The following YWHAZ variants were observed in gnomAD, a reference collection of about 807,000 sequenced individuals.
The protein encoded by YWHAZ is tyrosine 3-monooxygenase/tryptophan 5-monooxygenase activation protein zeta.
For missense variants in YWHAZ, 79 were observed against 284.8 expected, an observed-to-expected ratio of 0.28 and a Z score of 5.20; for synonymous variants, 87 against 103.6, an observed-to-expected ratio of 0.84 and a Z score of 0.97.
intron 1 of YWHAZ, chr8:100,951,686 G>A: frequency 4.1e-6 from 4 of 985,392 alleles, no homozygotes; most frequent in Non-Finnish European, 4.8e-6. Flanking sequence ...ACGGGGGAGC[G>A]AGCACCGATC....
intron 5 of YWHAZ, 178 bp downstream of exon 5, chr8:100,923,775 TCA>T: frequency 2.1e-6 from 1 of 481,424 alleles, no homozygotes; most frequent in Non-Finnish European, 3.6e-6. Flanking sequence ...GTCTAATATT[TCA>T]GTTTCTGTAA....
chr8:100,947,373 T>TA (rs1231478852), intron 2 of YWHAZ, among the ~76,000 whole-genome samples: 2 of 152,078 alleles, frequency 1.3e-5, no homozygotes, highest in African/African-American at 4.8e-5. Context: ...TCAACTTAGA[T>TA]ACAAATAGTA....
At chr8:100,944,663 T>C (rs374677258) in intron 2 of YWHAZ, among the ~76,000 whole-genome samples, 1 of 152,218 alleles carries the variant, frequency 6.6e-6, no homozygotes, top group Non-Finnish European at 1.5e-5. Context: ...ATTCCATTCA[T>C]GGACTGTAAG....
intron 2 of YWHAZ, among the ~76,000 whole-genome samples, chr8:100,945,776 C>T (rs1319873424): frequency 1.3e-5 from 2 of 151,990 alleles, no homozygotes; most frequent in Admixed American, 6.6e-5. Flanking sequence ...AGCCTATTAT[C>T]GGTAAATATC....
At chr8:100,941,734 G>A (rs555880361) in intron 2 of YWHAZ, among the ~76,000 whole-genome samples, 8 of 151,428 alleles carry the variant, frequency 5.3e-5, no homozygotes, top group Admixed American at 3.3e-4. Context: ...GCAGTGAGGC[G>A]AGATTGTGCC....
At chr8:100,952,220 C>T (rs977982471), upstream of YWHAZ, 32 of 933,842 alleles carry the variant, frequency 3.4e-5, no homozygotes, top group African/African-American at 1.1e-4. Flanking sequence ...CGCTGGAGGG[C>T]GAGCGGAGGC....
chr8:100,948,933 T>C lies in YWHAZ; in HGVS notation c.-11-33A>G. On this transcript the variant is annotated intron_variant, in intron 1 of 5. Coordinates refer to ENST00000395958, the MANE Select transcript of YWHAZ (RefSeq NM_145690.3). This position sits in a 1 kb window ranked among gnomAD's most constrained non-coding sequence, Gnocchi z 4.2. The stretch of plus-strand genomic sequence containing the variant: ...GGGGAAAAAAGGAGTATTTAAAATT[T>C]TTCCCATCAAAATAAACAGACTCAA... 4 of 1,539,776 alleles carry C rather than the reference T, an allele frequency of 2.6e-6. No homozygotes were observed. Among genetic ancestry groups the C allele is most frequent in the Non-Finnish European group, 3.5e-6 (4 of 1,154,242 alleles).
chr8:100,947,295 T>C (rs992343346), intron 2 of YWHAZ, among the ~76,000 whole-genome samples: 3 of 151,918 alleles, frequency 2.0e-5, no homozygotes, highest in Admixed American at 2.0e-4. Context: ...AATATTCTTA[T>C]TACCTTAGCA....
Position 100,918,408 on chromosome 8 carries a change from T to TATATATATA in YWHAZ, c.*2284_*2285insTATATATAT, listed in dbSNP as rs1554611374. On this transcript the variant is annotated 3_prime_UTR_variant, in exon 6 of 6. Transcript: ENST00000395958. ...AGTCTAGCTATAAAATATAATTACT[T>TATATATATA]TATATATATATATATATATATATAT... is the stretch of plus-strand genomic sequence containing the variant. 12 of 41,886 alleles carry TATATATATA rather than the reference T, an allele frequency of 2.9e-4. No individual in the cohort carries two copies. The highest frequency in any genetic ancestry group is 3.9e-4 in the Admixed American group (1 of 2,582). 2.6% of individuals were successfully genotyped at this position (41,886 alleles called of 1,614,324 possible).
intron 5 of YWHAZ, 159 bp downstream of exon 5, chr8:100,923,796 C>T (rs1813187149): frequency 1.9e-6 from 1 of 515,702 alleles, no homozygotes; most frequent in Admixed American, 3.7e-5. Flanking sequence ...AATTTTCCTT[C>T]ATAGGACTTT....
rs4734497 is a variant in YWHAZ, at chr8:100,922,743, T to A, written c.678+1212A>T. ...ATGCTATACTGATAGCAAAATTCAG[T>A]TGGAAGCAGACAGTAGATCAGGGCC... On this transcript the variant is annotated intron_variant, in intron 5 of 5. Transcript: ENST00000395958. This position sits in a 1 kb window ranked among gnomAD's most constrained non-coding sequence, Gnocchi z 4.1. The A allele has an allele frequency of 6.6e-6, 1 of 152,046 alleles. No homozygotes were observed. Among genetic ancestry groups the A allele is most frequent in the Non-Finnish European group, 1.5e-5 (1 of 68,030 alleles). The allele number at this position is 152,046 out of a possible 1,614,324, so 9.4% of individuals were successfully genotyped here. A position where few individuals can be genotyped will look rare whatever the true frequency, so the allele number is the denominator to read the frequency against.
At chr8:100,951,472 C>A in intron 1 of YWHAZ, 1 of 980,106 alleles carries the variant, frequency 1.0e-6, no homozygotes. Context: ...CACTGCGATG[C>A]CCGCCGCCGC....
At chr8:100,952,733 A>G (rs1680573448), upstream of YWHAZ, 6 of 959,940 alleles carry the variant, frequency 6.3e-6, no homozygotes, top group South Asian at 2.9e-4. Flanking sequence ...GTCGCACGGC[A>G]AGGGAGGGTT....
chr8:100,941,890 G>C (rs1809893301), intron 2 of YWHAZ, among the ~76,000 whole-genome samples: 1 of 151,216 alleles, frequency 6.6e-6, no homozygotes, highest in African/African-American at 2.4e-5. Context: ...AAATTGGGCA[G>C]TCCCTGCAAA....
rs1428257897 is a variant in YWHAZ, at chr8:100,920,553, T to C, written c.*140A>G. 2.6e-5 allele frequency: 21 copies of C among 805,942 alleles called. No homozygotes were observed. Among genetic ancestry groups the C allele is most frequent in the South Asian group, 1.7e-5 (1 of 59,606 alleles). The allele number at this position is 805,942 out of a possible 1,614,324, so 49.9% of individuals were successfully genotyped here. On this transcript the variant is annotated 3_prime_UTR_variant, in exon 6 of 6. Coordinates refer to ENST00000395958, the MANE Select transcript of YWHAZ (RefSeq NM_145690.3). ...CCTAATATTAAACATAAAAACCACA[T>C]GGGAAATATAGAAATTCAAATAGAA...
intron 1 of YWHAZ, among the ~76,000 whole-genome samples, chr8:100,949,844 T>C (rs1376531141): frequency 6.6e-6 from 1 of 152,200 alleles, no homozygotes; most frequent in Non-Finnish European, 1.5e-5. Context: ...CCTTTTCGAT[T>C]TACCTCAGCT....
rs1197408743 is a variant in YWHAZ, at chr8:100,918,083, CTG to C, written c.*2608_*2609del. 1.3e-5 allele frequency: 2 copies of C among 151,964 alleles called. No individual in the cohort carries two copies. The highest frequency in any genetic ancestry group is 2.9e-5 in the Non-Finnish European group (2 of 68,018). The allele number at this position is 151,964 out of a possible 1,614,324, so 9.4% of individuals were successfully genotyped here. A position where few individuals can be genotyped will look rare whatever the true frequency, so the allele number is the denominator to read the frequency against. ...CTCTACTGGGCGCGGTGGCTTATGC[CTG>C]TAATCCCAGCACTTTGGGAGGTTGA... On this transcript the variant is annotated 3_prime_UTR_variant, in exon 6 of 6. Transcript: ENST00000395958.
At chr8:100,945,304 T>C (rs909985509) in intron 2 of YWHAZ, among the ~76,000 whole-genome samples, 4 of 152,184 alleles carry the variant, frequency 2.6e-5, no homozygotes, top group Admixed American at 1.3e-4. Flanking sequence ...AAACAATAGA[T>C]AAATACATAT....
At chr8:100,936,953 G>A (rs539250317) in intron 2 of YWHAZ, among the ~76,000 whole-genome samples, 2 of 152,296 alleles carry the variant, frequency 1.3e-5, no homozygotes, top group South Asian at 4.1e-4. Context: ...AGGAGAGTAA[G>A]GAGACATGTA....
Sources: allele counts gnomAD v4.1 joint callset (sites outside exome capture counted in the v4.1 genomes callset), GRCh38; gene constraint gnomAD v4.1.1; non-coding constraint Gnocchi (gnomAD v3.1); transcripts MANE v1.5; gene names NCBI Gene and HGNC (gene_info 2026-07-23, HGNC 2026-07-21).